The following JAKMIP3 variants were observed in gnomAD, a reference collection of about 807,000 sequenced individuals.
JAKMIP3 encodes the protein janus kinase and microtubule-interacting protein 3.
Under a neutral mutation model 118.5 loss-of-function variants are expected in JAKMIP3, and 58 were observed. The observed-to-expected ratio is 0.49, with a 90% confidence interval of 0.40 to 0.61. The LOEUF is 0.61. Ranked by LOEUF, JAKMIP3 falls within the 20% of genes least tolerant of loss-of-function variation. The pLI, the probability that JAKMIP3 is intolerant of heterozygous loss-of-function variation, is 0.00. For synonymous variants in JAKMIP3, 486 were observed against 451.2 expected, an observed-to-expected ratio of 1.08 and a Z score of -0.98; for missense variants, 950 against 1,109.0, an observed-to-expected ratio of 0.86 and a Z score of 2.04.
intron 11 of JAKMIP3, 98 bp from the exon 12 acceptor site, chr10:132,145,009 G>A: frequency 2.1e-6 from 2 of 945,758 alleles, no homozygotes; most frequent in Non-Finnish European, 3.3e-6. Context: ...TCAATGAACT[G>A]AACCAAAAGA....
Position 132,118,218 on chromosome 10 carries a change from C to T in JAKMIP3, c.633+644C>T, listed in dbSNP as rs2048022977. 6.6e-6 allele frequency among the ~76,000 whole-genome samples: 1 copy of T among 152,184 alleles called. No homozygotes were observed. Among genetic ancestry groups the T allele is most frequent in the African/African-American group, 2.4e-5 (1 of 41,444 alleles). ...GGTCTAACGTTGGCATCTGGTGCAG[C>T]CTAATAGCTCCAGAGACCTGGGCAC... On this transcript the variant is annotated intron_variant, in intron 3 of 23. Transcript: ENST00000684848. The surrounding 1 kb of genome is among the most constrained non-coding windows in gnomAD (Gnocchi z 4.8).
intron 16 of JAKMIP3, among the ~76,000 whole-genome samples, chr10:132,150,259 G>C (rs924475251): frequency 1.3e-5 from 2 of 152,006 alleles, no homozygotes; most frequent in African/African-American, 4.8e-5. Context: ...GGTTCTTCCA[G>C]CTGATGGCAC....
chr10:132,171,085 A>G (rs2059440698), intron 23 of JAKMIP3, among the ~76,000 whole-genome samples: 3 of 152,220 alleles, frequency 2.0e-5, no homozygotes, highest in Admixed American at 1.3e-4. Context: ...GAGCATGTTC[A>G]GTCAAGTGAG....
At chr10:132,120,888 G>C (rs183845430) in intron 3 of JAKMIP3, among the ~76,000 whole-genome samples, 2 of 152,356 alleles carry the variant, frequency 1.3e-5, no homozygotes, top group African/African-American at 4.8e-5. Flanking sequence ...TTAAATCTAC[G>C]CGTGAGGTGG....
intron 23 of JAKMIP3, among the ~76,000 whole-genome samples, chr10:132,178,875 C>T (rs2060433548): frequency 1.3e-5 from 2 of 152,224 alleles, no homozygotes; most frequent in African/African-American, 4.8e-5. Flanking sequence ...ACGGCAGGGG[C>T]CTGTTCCTCC....
upstream of JAKMIP3, among the ~76,000 whole-genome samples, chr10:132,061,246 ACACACACACCTGCCGTGATGGCGCG>A (rs1304991522): frequency 8.9e-5 from 5 of 56,202 alleles, no homozygotes; most frequent in Non-Finnish European, 1.4e-4. Flanking sequence ...GTGACGGCGC[ACACACACACCTGCCGTGATGGCGCG>A]CACACACACC....
chr10:132,181,172 G>A (rs2061422496), intron 23 of JAKMIP3: 1 of 152,284 alleles, frequency 6.6e-6, no homozygotes, highest in Non-Finnish European at 1.5e-5. Flanking sequence ...TGCTGACAAT[G>A]GAGAGCAGCA....
intron 1 of JAKMIP3, among the ~76,000 whole-genome samples, chr10:132,093,931 A>ATTTT (rs35838926): frequency 3.4e-4 from 35 of 103,614 alleles, no homozygotes; most frequent in Non-Finnish European, 5.0e-4. Flanking sequence ...TCTTGTATCT[A>ATTTT]TTTTTTTTTT....
At chr10:132,078,845 G>C (rs1454539481) in intron 1 of JAKMIP3, among the ~76,000 whole-genome samples, 1 of 152,228 alleles carries the variant, frequency 6.6e-6, no homozygotes, top group Non-Finnish European at 1.5e-5. Context: ...CTCTTCTGTC[G>C]TGCTGCCACT....
chr10:132,159,869 TG>T lies in JAKMIP3; in HGVS notation c.2221-3333del, dbSNP rs1360832680. ...TGGGGGGCCTCTCCCTGTGTGATGC[TG>T]GGGGGGTCTCTTCCTGTGTGATGCT... On this transcript the variant is annotated intron_variant, in intron 19 of 23. Coordinates refer to ENST00000684848, the MANE Select transcript of JAKMIP3 (RefSeq NM_001323087.2). Among the ~76,000 whole-genome samples the T allele has an allele frequency of 8.1e-3, 399 of 49,328 alleles. 22 individuals are homozygous for T. The highest frequency in any genetic ancestry group is 0.012 in the Non-Finnish European group (331 of 28,264). The allele number at this position is 49,328 out of a possible 152,430, so 32.4% of individuals were successfully genotyped here. A position where few individuals can be genotyped will look rare whatever the true frequency, so the allele number is the denominator to read the frequency against.
chr10:132,147,923 C>G (rs767659941), intron 13 of JAKMIP3, 29 bp from the exon 14 acceptor site: 4 of 1,486,258 alleles, frequency 2.7e-6, no homozygotes, highest in South Asian at 2.4e-5. Flanking sequence ...GAACCAGACC[C>G]CTCACCTCAT....
At chr10:132,173,486 C>A (rs962196233) in intron 23 of JAKMIP3, among the ~76,000 whole-genome samples, 1 of 151,928 alleles carries the variant, frequency 6.6e-6, no homozygotes, top group Non-Finnish European at 1.5e-5. Context: ...TCCTTTCCCC[C>A]CAGCCTCACG....
chr10:132,052,067 A>T (rs1244043763), intron 1 of JAKMIP3, among the ~76,000 whole-genome samples: 1 of 152,210 alleles, frequency 6.6e-6, no homozygotes, highest in Non-Finnish European at 1.5e-5. Context: ...ACAAAAAATA[A>T]AACCACAATT....
intron 1 of JAKMIP3, among the ~76,000 whole-genome samples, chr10:132,046,242 CAGG>C (rs2037911543): frequency 6.6e-6 from 1 of 152,138 alleles, no homozygotes; most frequent in Non-Finnish European, 1.5e-5. Context: ...ATCACAAGGT[CAGG>C]AGATCAAGAC....
rs1212944246 is a variant in JAKMIP3, at chr10:132,177,383, AGT to A, written c.*1104-4968_*1104-4967del. Among the ~76,000 whole-genome samples, 7 of 152,198 alleles carry A rather than the reference AGT, an allele frequency of 4.6e-5. No individual in the cohort carries two copies. The East Asian group carries it at 5.8e-4, about 13-fold the overall frequency. On this transcript the variant is annotated intron_variant, in intron 23 of 23. Transcript: ENST00000684848. ...GTGCGCACGTGTGTGCACACATGCC[AGT>A]GTGTGGGGGGAGTGTGCCTGTGCAT... is the stretch of plus-strand genomic sequence containing the variant.
At chr10:132,175,541 G>A (rs557488462) in intron 23 of JAKMIP3, among the ~76,000 whole-genome samples, 2 of 152,298 alleles carry the variant, frequency 1.3e-5, no homozygotes, top group African/African-American at 2.4e-5. Flanking sequence ...CCCCAGGGTG[G>A]GCTGGATCTC....
chr10:132,109,279 G>A (rs1658685404), intron 2 of JAKMIP3, among the ~76,000 whole-genome samples: 1 of 151,940 alleles, frequency 6.6e-6, no homozygotes, highest in South Asian at 2.1e-4. Context: ...CTCCAGCCTG[G>A]GTGACAGAGC....
At chr10:132,068,104 T>TGTGGACTGTGGGTTTCTGC (rs1427788806) in intron 1 of JAKMIP3, among the ~76,000 whole-genome samples, 1 of 148,106 alleles carries the variant, frequency 6.8e-6, no homozygotes. Context: ...TGGGTTTCTG[T>TGTGGACTGTGGGTTTCTGC]GTGGTCTGGA....
intron 8 of JAKMIP3, 147 bp downstream of exon 8, chr10:132,137,436 T>C: frequency 3.1e-6 from 3 of 968,708 alleles, no homozygotes; most frequent in Non-Finnish European, 4.7e-6. Context: ...CAGTGCCACC[T>C]GGCCAAGGCT....
Sources: allele counts gnomAD v4.1 joint callset (sites outside exome capture counted in the v4.1 genomes callset), GRCh38; gene constraint gnomAD v4.1.1; non-coding constraint Gnocchi (gnomAD v3.1); transcripts MANE v1.5; gene names NCBI Gene and HGNC (gene_info 2026-07-23, HGNC 2026-07-21).